Variants in APEH observed in about 807,000 individuals in gnomAD.
APEH encodes acylamino-acid-releasing enzyme.
A neutral mutation model predicts 102.7 loss-of-function variants in APEH; 75 were observed. The ratio of observed to expected loss-of-function variants is 0.73; its 90% confidence interval spans 0.61 to 0.89. The LOEUF is 0.89. Ranked by LOEUF, APEH falls within the 40% of genes least tolerant of loss-of-function variation. APEH has a pLI of 0.00. For missense variants in APEH, 863 were observed against 941.2 expected, an observed-to-expected ratio of 0.92 and a Z score of 1.09; for synonymous variants, 344 against 362.7, an observed-to-expected ratio of 0.95 and a Z score of 0.59.
At chr3:49,675,354 G>T (rs754597241) in intron 3 of APEH, 45 bp downstream of exon 3, 5 of 1,606,396 alleles carry the variant, frequency 3.1e-6, no homozygotes, top group South Asian at 2.2e-5. Flanking sequence ...ACAGCCGTCC[G>T]CAATGCAAGC....
upstream of APEH, chr3:49,674,089 A>C: frequency 2.2e-6 from 1 of 455,644 alleles, no homozygotes; most frequent in Non-Finnish European, 3.9e-6. Context: ...CTCTCCTCCG[A>C]GATCCAACGC....
rs141512953 is a variant in APEH at position 49,675,235 on chromosome 3, A to G, written c.198A>G (p.Gln66=). The change falls in exon 3 of 22, where the codon CAA becomes CAG. Residue 66 remains glutamine (Q), a synonymous_variant. Transcript: ENST00000296456. ...TGGAGAACATTCGATTCTGCCGCCA[A>G]TACCTGGTGTTCCATGACGGGGACT... is the stretch of plus-strand genomic sequence containing the variant. ...ERMENIRFCR[Q]YLVFHDGDSV... 3.1e-6 allele frequency: 5 copies of G among 1,614,004 alleles called. No individual in the cohort carries two copies. Among genetic ancestry groups the G allele is most frequent in the Non-Finnish European group, 4.2e-6 (5 of 1,180,012 alleles).
intron 3 of APEH, 137 bp from the exon 4 acceptor site, chr3:49,675,557 C>A: frequency 1.0e-6 from 1 of 1,003,680 alleles, no homozygotes; most frequent in Non-Finnish European, 1.5e-6. Flanking sequence ...GGAGGAAAGG[C>A]AAGGTGGGGC....
At position 49,676,696 on chromosome 3, in the gene APEH, C is replaced by T. The variant is rs766068866; in HGVS notation, c.832C>T (p.Arg278Cys). ...FRLGIRFCTNRRSALYYVDLI... is the reference protein window; with the variant it reads ...FRLGIRFCTNCRSALYYVDLI... ...GTTGGGCATCCGCTTTTGCACCAAT[C>T]GCAGGTGAGGGAGTGGGGCAAGGCA... Residue 278 changes from arginine to cysteine, a missense_variant, in exon 8 of 22, where the codon CGC becomes TGC. Coordinates refer to ENST00000296456, the MANE Select transcript of APEH (RefSeq NM_001640.4). 8.7e-6 allele frequency: 14 copies of T among 1,614,148 alleles called. No homozygotes were observed. The highest frequency in any genetic ancestry group is 2.2e-5 in the South Asian group (2 of 91,096).
At position 49,681,816 on chromosome 3, in the gene APEH, G is replaced by A. The variant is rs2053331805; in HGVS notation, c.1522+11G>A. On this transcript the variant is annotated intron_variant, in intron 16 of 21. Transcript: ENST00000296456. ...TGGTCATGCCCCACGGTAGGCATCT[G>A]GCGTTAAGAGCCCTTGCCCTCCCAG... 7 of 1,611,378 alleles carry A rather than the reference G, an allele frequency of 4.3e-6. No individual in the cohort carries two copies. Among genetic ancestry groups the A allele is most frequent in the Non-Finnish European group, 5.9e-6 (7 of 1,177,724 alleles).
At chr3:49,681,681 C>G in intron 15 of APEH, 41 bp from the exon 16 acceptor site, 1 of 1,484,484 alleles carries the variant, frequency 6.7e-7, no homozygotes, top group Non-Finnish European at 9.1e-7. Flanking sequence ...GTTGGGGAAG[C>G]CCCTAGGCTC....
chr3:49,683,369 C>A lies in APEH; in HGVS notation c.*27C>A. On this transcript the variant is annotated 3_prime_UTR_variant, in exon 22 of 22. Transcript: ENST00000296456. Reference sequence around the variant, plus strand: ...GCCCTGCCATTCTGCATGAGCTGATCAGCCTGTGCCACACTTCGCTCTTGA... The same window carrying A: ...GCCCTGCCATTCTGCATGAGCTGATAAGCCTGTGCCACACTTCGCTCTTGA... 2 of 1,575,438 alleles carry A rather than the reference C, an allele frequency of 1.3e-6. No homozygotes were observed. The highest frequency in any genetic ancestry group is 2.2e-5 in the South Asian group (2 of 90,094).
Position 49,680,337 on chromosome 3 carries a change from C to T in APEH, c.1211-204C>T, listed in dbSNP as rs971742108. On this transcript the variant is annotated intron_variant, in intron 13 of 21. Transcript: ENST00000296456. ...TCTTAAGGTTTGGCAGTTCCCAGCC[C>T]AGCCAGTGTCTGTCAGATGAACAAC... 4.8e-5 allele frequency: 27 copies of T among 557,350 alleles called. No individual in the cohort carries two copies. The African/African-American group carries it at 4.9e-4, about 10-fold the overall frequency. 34.5% of individuals were successfully genotyped at this position (557,350 alleles called of 1,614,324 possible). A position where few individuals can be genotyped will look rare whatever the true frequency, so the allele number is the denominator to read the frequency against.
Position 49,679,767 on chromosome 3 carries a change from A to AGTGGTG in APEH, c.1210+123_1210+124insGTGGTG. On this transcript the variant is annotated intron_variant, in intron 13 of 21. Transcript: ENST00000296456. This position sits in a 1 kb window ranked among gnomAD's most constrained non-coding sequence, Gnocchi z 4.3. ...CATTCTCAGCCACTCAGCACCACTG[A>AGTGGTG]CTGTTCCACAGCCTTTACTAACAGG... The AGTGGTG allele has an allele frequency of 1.0e-6, 1 of 1,004,664 alleles. No individual in the cohort carries two copies. The highest frequency in any genetic ancestry group is 1.5e-6 in the Non-Finnish European group (1 of 661,130). 62.2% of individuals were successfully genotyped at this position (1,004,664 alleles called of 1,614,324 possible).
intron 3 of APEH, 40 bp from the exon 4 acceptor site, chr3:49,675,654 T>C (rs370298504): frequency 1.3e-5 from 20 of 1,562,010 alleles, no homozygotes; most frequent in Non-Finnish European, 1.7e-5. Flanking sequence ...GAAGGGGTTA[T>C]TGCAAGATAA....
At chr3:49,674,208 C>T (rs2052902780), upstream of APEH, 1 of 698,156 alleles carries the variant, frequency 1.4e-6, no homozygotes, top group Non-Finnish European at 2.3e-6. Context: ...CTTCTCGCTC[C>T]CAGGCCGGGT....
rs1192090782 is a variant in APEH at position 49,674,394 on chromosome 3, A to C, written c.-8A>C. On this transcript the variant is annotated 5_prime_UTR_variant, in exon 1 of 22. Transcript: ENST00000296456. ...GCCCCGCCTCGCCCCGGCGGCAGAG[A>C]GGAGACTATGGAACGTCAGGTGAGG... The C allele has an allele frequency of 2.5e-6, 4 of 1,575,032 alleles. No homozygotes were observed. Among genetic ancestry groups the C allele is most frequent in the Non-Finnish European group, 3.4e-6 (4 of 1,167,066 alleles).
intron 10 of APEH, 102 bp downstream of exon 10, chr3:49,677,126 G>T: frequency 6.6e-7 from 1 of 1,519,684 alleles, no homozygotes; most frequent in Non-Finnish European, 9.0e-7. Flanking sequence ...CCCTCAGTAG[G>T]TGCCCTTCTG....
At chr3:49,676,025 G>C (rs756505077) in intron 5 of APEH, 31 bp from the exon 6 acceptor site, 1 of 1,614,086 alleles carries the variant, frequency 6.2e-7, no homozygotes, top group Non-Finnish European at 8.5e-7. Context: ...GTAGCCCTGG[G>C]CCCCCCCTGA....
At position 49,681,825 on chromosome 3, in the gene APEH, A is replaced by G; in HGVS notation, c.1522+20A>G. On this transcript the variant is annotated intron_variant, in intron 16 of 21. Coordinates refer to ENST00000296456, the MANE Select transcript of APEH (RefSeq NM_001640.4). ...CCCACGGTAGGCATCTGGCGTTAAG[A>G]GCCCTTGCCCTCCCAGCCCTCTTCC... 1 of 1,611,066 alleles carries G rather than the reference A, an allele frequency of 6.2e-7. No individual in the cohort carries two copies. Among genetic ancestry groups the G allele is most frequent in the South Asian group, 1.1e-5 (1 of 90,962 alleles).
chr3:49,682,561 G>T lies in APEH; in HGVS notation c.1708G>T (p.Val570Leu). The T allele has an allele frequency of 6.2e-7, 1 of 1,614,130 alleles. No homozygotes were observed. The highest frequency in any genetic ancestry group is 8.5e-7 in the Non-Finnish European group (1 of 1,180,002). ...CACCCTGCAGTTTGCAGTGGAACAGGTGCTCCAGGAGGAACACTTTGATGC... is the reference window on the plus strand; with the variant it reads ...CACCCTGCAGTTTGCAGTGGAACAGTTGCTCCAGGAGGAACACTTTGATGC... The part of the protein sequence containing the change: ...VKDVQFAVEQ[V>L]LQEEHFDASH... The change falls in exon 19 of 22, where the codon GTG becomes TTG. Residue 570 changes from valine to leucine, a missense_variant. Transcript: ENST00000296456.
chr3:49,678,740 A>G (rs2053183289), intron 11 of APEH, 112 bp from the exon 12 acceptor site: 1 of 879,118 alleles, frequency 1.1e-6, no homozygotes, highest in Non-Finnish European at 1.8e-6. Context: ...CAGGGGCCTG[A>G]CTGGTGCCTG....
chr3:49,683,203 T>C (rs765662235), intron 21 of APEH, 34 bp from the exon 22 acceptor site: 1 of 1,610,176 alleles, frequency 6.2e-7, no homozygotes, highest in South Asian at 1.1e-5. Flanking sequence ...AGGAGGACCC[T>C]CCAACCTTAA....
In APEH at chr3:49,683,891, GC is replaced by G. The variant is rs35870664; in HGVS notation, c.*552del. 1 of 1,357,950 alleles carries G rather than the reference GC, an allele frequency of 7.4e-7. No individual in the cohort carries two copies. Among genetic ancestry groups the G allele is most frequent in the Non-Finnish European group, 1.0e-6 (1 of 1,000,510 alleles). 84.1% of individuals were successfully genotyped at this position (1,357,950 alleles called of 1,614,324 possible). ...GGTGTGCTGGGCTCAAGCCACCCGA[GC>G]CCTAGCAAGGAGTCACTGACACATT... On this transcript the variant is annotated 3_prime_UTR_variant, in exon 22 of 22. Coordinates refer to ENST00000296456, the MANE Select transcript of APEH (RefSeq NM_001640.4).
Sources: gnomAD v4.1 joint callset for allele counts on GRCh38, gnomAD v4.1.1 for gene constraint, Gnocchi (gnomAD v3.1) non-coding constraint, MANE v1.5 for transcripts, NCBI Gene and HGNC (gene_info 2026-07-23, HGNC 2026-07-21) for gene names.